The following ERO1A variants were observed in gnomAD, a reference collection of about 807,000 sequenced individuals.
The protein encoded by ERO1A is endoplasmic reticulum oxidoreductase 1 alpha.
A neutral mutation model predicts 76.9 loss-of-function variants in ERO1A; 49 were observed. That is an observed-to-expected ratio of 0.64 (90% CI 0.51 to 0.81). ERO1A has a LOEUF of 0.81. ERO1A is among the 30% of genes least tolerant of loss of function. The pLI is 0.00. For missense variants in ERO1A, 448 were observed against 542.1 expected (o/e 0.83, Z 1.72); for synonymous variants, 174 against 181.2 (o/e 0.96, Z 0.32).
chr14:52,680,908 A>G (rs1295078719), intron 3 of ERO1A, among the ~76,000 whole-genome samples: 4 of 152,232 alleles, frequency 2.6e-5, no homozygotes, highest in African/African-American at 9.6e-5. Context: ...CAATATTTAC[A>G]TATGTAAAAT....
chr14:52,687,451 G>A (rs908278504), intron 1 of ERO1A, among the ~76,000 whole-genome samples: 1 of 152,030 alleles, frequency 6.6e-6, no homozygotes, highest in Non-Finnish European at 1.5e-5. Flanking sequence ...AAAGAATAGA[G>A]CCTCAGGAAA....
intron 6 of ERO1A, among the ~76,000 whole-genome samples, chr14:52,668,529 G>A (rs11624705): frequency 2.0e-5 from 3 of 151,336 alleles, no homozygotes; most frequent in Admixed American, 2.0e-4. Context: ...TGGGCAACGA[G>A]AATGAAACTC....
At chr14:52,694,179 T>C (rs1054970981) in intron 1 of ERO1A, among the ~76,000 whole-genome samples, 1 of 152,224 alleles carries the variant, frequency 6.6e-6, no homozygotes, top group Non-Finnish European at 1.5e-5. Context: ...AAATGTTTAA[T>C]CTCGGTGTTG....
intron 1 of ERO1A, among the ~76,000 whole-genome samples, chr14:52,684,150 C>CACACACACACACACACAG (rs879218530): frequency 7.2e-6 from 1 of 139,390 alleles, no homozygotes; most frequent in South Asian, 2.3e-4. Flanking sequence ...CACACACACA[C>CACACACACACACACACAG]AGAGAGAGTT....
Position 52,641,985 on chromosome 14 carries a change from A to G in ERO1A, c.*1585T>C, listed in dbSNP as rs2039491142. 1 of 152,222 alleles carries G rather than the reference A, an allele frequency of 6.6e-6. No homozygotes were observed. The highest frequency in any genetic ancestry group is 1.5e-5 in the Non-Finnish European group (1 of 68,042). The allele number at this position is 152,222 out of a possible 1,614,324, so 9.4% of individuals were successfully genotyped here. ...GAAGTATACAGCAGTGTAAACTGACATTTCTTAACCACTATATAAATAAAC... is the reference window on the plus strand; with the variant it reads ...GAAGTATACAGCAGTGTAAACTGACGTTTCTTAACCACTATATAAATAAAC... On this transcript the variant is annotated 3_prime_UTR_variant, in exon 16 of 16. Transcript: ENST00000395686.
At chr14:52,683,432 T>C (rs1024261510) in intron 2 of ERO1A, among the ~76,000 whole-genome samples, 3 of 152,198 alleles carry the variant, frequency 2.0e-5, no homozygotes, top group East Asian at 1.9e-4. Context: ...TTAAATAATA[T>C]AGGTCAGGAT....
chr14:52,683,444 A>T (rs1395971321), intron 2 of ERO1A, among the ~76,000 whole-genome samples: 1 of 152,226 alleles, frequency 6.6e-6, no homozygotes, highest in East Asian at 1.9e-4. Flanking sequence ...GGTCAGGATA[A>T]AGTCATGATT....
At position 52,695,517 on chromosome 14, in the gene ERO1A, G is replaced by C. The variant is rs2041529113; in HGVS notation, c.-36C>G. 1 of 1,420,084 alleles carries C rather than the reference G, an allele frequency of 7.0e-7. No homozygotes were observed. Among genetic ancestry groups the C allele is most frequent in the South Asian group, 1.4e-5 (1 of 73,052 alleles). The allele number at this position is 1,420,084 out of a possible 1,614,324, so 88.0% of individuals were successfully genotyped here. On this transcript the variant is annotated 5_prime_UTR_variant, in exon 1 of 16. Coordinates refer to ENST00000395686, the MANE Select transcript of ERO1A (RefSeq NM_014584.3). ...GCAGCTTGTCGCCCCACGCTTGGGA[G>C]GCCAGTCCGCACGCTCGGTCGCGGG... is the stretch of plus-strand genomic sequence containing the variant.
At chr14:52,675,254 A>G (rs922582643) in intron 4 of ERO1A, among the ~76,000 whole-genome samples, 2 of 152,014 alleles carry the variant, frequency 1.3e-5, no homozygotes, top group African/African-American at 2.4e-5. Flanking sequence ...ATGGTGGCGC[A>G]TGCCTGTAAT....
intron 9 of ERO1A, among the ~76,000 whole-genome samples, chr14:52,659,844 A>AG (rs1013167507): frequency 6.6e-6 from 1 of 151,116 alleles, no homozygotes; most frequent in Non-Finnish European, 1.5e-5. Context: ...AAAAAAAAAA[A>AG]AAAAGAAAAA....
intron 4 of ERO1A, among the ~76,000 whole-genome samples, chr14:52,674,169 T>C (rs1307803965): frequency 1.3e-5 from 2 of 152,216 alleles, no homozygotes; most frequent in African/African-American, 4.8e-5. Flanking sequence ...AGAATGAACT[T>C]CCAAAAGTTT....
At chr14:52,650,490 TAAAAA>T (rs34931114) in intron 13 of ERO1A, among the ~76,000 whole-genome samples, 1 of 142,654 alleles carries the variant, frequency 7.0e-6, no homozygotes, top group Non-Finnish European at 1.5e-5. Flanking sequence ...TAAACCTACT[TAAAAA>T]AAAAAAAACT....
chr14:52,658,050 GA>G (rs776899795), intron 10 of ERO1A, 41 bp from the exon 11 acceptor site: 2 of 1,510,714 alleles, frequency 1.3e-6, no homozygotes, highest in Non-Finnish European at 9.1e-7. Flanking sequence ...TTTCATATGT[GA>G]ATCTTGTAGA....
At chr14:52,691,877 A>G (rs546662153) in intron 1 of ERO1A, among the ~76,000 whole-genome samples, 2 of 152,358 alleles carry the variant, frequency 1.3e-5, no homozygotes, top group East Asian at 3.9e-4. Flanking sequence ...GAGGTTACAT[A>G]TACAGATTTA....
At chr14:52,683,570 A>T (rs1261409887) in intron 2 of ERO1A, among the ~76,000 whole-genome samples, 1 of 152,178 alleles carries the variant, frequency 6.6e-6, no homozygotes, top group Admixed American at 6.5e-5. Context: ...CTTCAATTTA[A>T]CCAACTAGAT....
In ERO1A at chr14:52,642,045, T is replaced by C. The variant is rs1028283099; in HGVS notation, c.*1525A>G. On this transcript the variant is annotated 3_prime_UTR_variant, in exon 16 of 16. Transcript: ENST00000395686. Reference sequence around the variant, plus strand: ...CTACTAATGTGACATTTCAACATGTTATACCTGATAAGACATATGTAAAGA... The same window carrying C: ...CTACTAATGTGACATTTCAACATGTCATACCTGATAAGACATATGTAAAGA... 3 of 152,222 alleles carry C rather than the reference T, an allele frequency of 2.0e-5. No individual in the cohort carries two copies. The highest frequency in any genetic ancestry group is 7.2e-5 in the African/African-American group (3 of 41,458). The allele number at this position is 152,222 out of a possible 1,614,324, so 9.4% of individuals were successfully genotyped here. A position where few individuals can be genotyped will look rare whatever the true frequency, so the allele number is the denominator to read the frequency against.
intron 4 of ERO1A, among the ~76,000 whole-genome samples, chr14:52,674,097 A>G (rs2040700450): frequency 6.6e-6 from 1 of 152,214 alleles, no homozygotes; most frequent in Non-Finnish European, 1.5e-5. Flanking sequence ...TTTATCTTCA[A>G]TTTTGAGCTT....
intron 11 of ERO1A, among the ~76,000 whole-genome samples, chr14:52,657,380 C>A (rs1366815537): frequency 6.6e-6 from 1 of 152,002 alleles, no homozygotes; most frequent in Non-Finnish European, 1.5e-5. Flanking sequence ...AGAGTGAGAC[C>A]CTGTCTCAAT....
chr14:52,679,983 C>T (rs1171714835), intron 3 of ERO1A, among the ~76,000 whole-genome samples: 2 of 151,220 alleles, frequency 1.3e-5, no homozygotes, highest in Non-Finnish European at 2.9e-5. Flanking sequence ...CTGCTTAGGC[C>T]CAGGAGGCAG....
Sources: gnomAD v4.1 joint callset for allele counts (sites outside exome capture counted in the v4.1 genomes callset) on GRCh38, gnomAD v4.1.1 for gene constraint, MANE v1.5 for transcripts, NCBI Gene and HGNC (gene_info 2026-07-23, HGNC 2026-07-21) for gene names.